Variants in PCDHGA1 observed in about 807,000 individuals in gnomAD.
PCDHGA1 encodes protocadherin gamma subfamily A, 1, also known as protocadherin gamma-A1.
PCDHGA1 carries 32 observed loss-of-function variants against 58.0 expected under a neutral mutation model. The observed-to-expected ratio is 0.55, with a 90% CI of 0.42 to 0.74. The LOEUF (loss-of-function observed/expected upper bound fraction) is 0.74, where lower values mean the gene tolerates loss of function less well. PCDHGA1 is among the 30% of genes least tolerant of loss of function. The pLI, the probability that PCDHGA1 is intolerant of heterozygous loss-of-function variation, is 0.00. For missense variants in PCDHGA1, 1,205 were observed against 1,182.3 expected, an observed-to-expected ratio of 1.02 and a Z score of -0.28; for synonymous variants, 498 against 501.1, an observed-to-expected ratio of 0.99 and a Z score of 0.08.
intron 1 of PCDHGA1, chr5:141,385,371 T>C: frequency 2.6e-6 from 4 of 1,529,296 alleles, no homozygotes; most frequent in Non-Finnish European, 3.5e-6. Context: ...ATTTGCATGA[T>C]ATTTCTCTAT....
chr5:141,413,417 T>A (rs777399697), intron 1 of PCDHGA1: 1 of 1,614,086 alleles, frequency 6.2e-7, no homozygotes, highest in Non-Finnish European at 8.5e-7. Context: ...CTTTTCTCTC[T>A]GAACCCGCGC....
intron 2 of PCDHGA1, among the ~76,000 whole-genome samples, chr5:141,504,909 G>C (rs948719729): frequency 6.6e-6 from 1 of 152,002 alleles, no homozygotes; most frequent in Non-Finnish European, 1.5e-5. Context: ...ACTATGACAG[G>C]AAGCCAGGCT....
At chr5:141,457,820 C>CTCAG (rs2098930320) in intron 1 of PCDHGA1, among the ~76,000 whole-genome samples, 1 of 152,198 alleles carries the variant, frequency 6.6e-6, no homozygotes, top group African/African-American at 2.4e-5. Flanking sequence ...CCAAGATAAA[C>CTCAG]TCAGAGCTTC....
chr5:141,439,118 G>A (rs1293542421), intron 1 of PCDHGA1, among the ~76,000 whole-genome samples: 3 of 151,390 alleles, frequency 2.0e-5, no homozygotes, highest in Non-Finnish European at 4.4e-5. Flanking sequence ...ACTTGAACCC[G>A]GGAGACAGAG....
At chr5:141,410,006 G>T (rs1201569227) in intron 1 of PCDHGA1, 8 of 1,613,274 alleles carry the variant, frequency 5.0e-6, no homozygotes, top group Non-Finnish European at 5.1e-6. Context: ...GGGACACAAC[G>T]CCTGGCTGTC....
At chr5:141,355,221 C>T (rs756437082) in intron 1 of PCDHGA1, 18 of 1,608,638 alleles carry the variant, frequency 1.1e-5, no homozygotes, top group African/African-American at 4.0e-5. Context: ...CTCCTGCTCG[C>T]CCAGACCACA....
At chr5:141,348,983 T>G (rs928297806) in intron 1 of PCDHGA1, among the ~76,000 whole-genome samples, 3 of 152,188 alleles carry the variant, frequency 2.0e-5, no homozygotes, top group Non-Finnish European at 2.9e-5. Context: ...GTCTAAGAAC[T>G]CTGAATACCT....
rs545232987 is a variant in PCDHGA1 at position 141,484,750 on chromosome 5, G to GTA, written c.2422-10043_2422-10042dup. 2.3e-3 allele frequency among the ~76,000 whole-genome samples: 340 copies of GTA among 149,860 alleles called. 1 individual carries two copies. Among genetic ancestry groups the GTA allele is most frequent in the South Asian group, 1.0e-2 (47 of 4,704 alleles). On this transcript the variant is annotated intron_variant, in intron 1 of 3. Coordinates refer to ENST00000517417, the MANE Select transcript of PCDHGA1 (RefSeq NM_018912.3). ...CAGTCGGTGTGTTAGGAAAAAAAAT[G>GTA]TATATATATATATATGTTGTCTGCC...
chr5:141,373,366 A>T (rs1309577062), intron 1 of PCDHGA1, among the ~76,000 whole-genome samples: 1 of 152,214 alleles, frequency 6.6e-6, no homozygotes, highest in Non-Finnish European at 1.5e-5. Context: ...ACTGTAATGA[A>T]TTGGTTCAAA....
intron 1 of PCDHGA1, among the ~76,000 whole-genome samples, chr5:141,336,591 T>C (rs756583482): frequency 6.6e-6 from 1 of 152,136 alleles, no homozygotes; most frequent in Non-Finnish European, 1.5e-5. Flanking sequence ...TTATGCCACA[T>C]ACAAAAATTA....
rs1040028231 is a variant in PCDHGA1, at chr5:141,485,542, C to T, written c.2422-9265C>T. 6.8e-6 allele frequency: 11 copies of T among 1,613,900 alleles called. No individual in the cohort carries two copies. Among genetic ancestry groups the T allele is most frequent in the Admixed American group, 6.7e-5 (4 of 59,996 alleles). On this transcript the variant is annotated intron_variant, in intron 1 of 3. Coordinates refer to ENST00000517417, the MANE Select transcript of PCDHGA1 (RefSeq NM_018912.3). The surrounding 1 kb of genome is among the most constrained non-coding windows in gnomAD (Gnocchi z 5.7). ...AAATGTACCGAGCAGAGGTAGAGAT[C>T]GTAGATGTGAATGATCACGCCCCCC...
rs775426401 is a variant in PCDHGA1 at position 141,350,605 on chromosome 5, C to T, written c.2421+17500C>T. On this transcript the variant is annotated intron_variant, in intron 1 of 3. Coordinates refer to ENST00000517417, the MANE Select transcript of PCDHGA1 (RefSeq NM_018912.3). ...CTGAAAACCCAATGAATGTTTTCCA[C>T]GTGGTTGTTGTAATCCAAGATATTA... is the stretch of plus-strand genomic sequence containing the variant. 6 of 1,613,998 alleles carry T rather than the reference C, an allele frequency of 3.7e-6. 1 individual carries two copies. Among genetic ancestry groups the T allele is most frequent in the African/African-American group, 1.3e-5 (1 of 75,046 alleles).
intron 1 of PCDHGA1, chr5:141,430,960 C>T (rs2097330619): frequency 6.2e-7 from 1 of 1,612,432 alleles, no homozygotes; most frequent in Non-Finnish European, 8.5e-7. Context: ...TCCGCATCAT[C>T]CCCAGAGGTA....
intron 1 of PCDHGA1, chr5:141,388,273 C>G: frequency 6.3e-7 from 1 of 1,597,470 alleles, no homozygotes; most frequent in East Asian, 2.3e-5. Context: ...AATGACCACA[C>G]GCCAAAATTC....
At chr5:141,478,629 T>A in intron 1 of PCDHGA1, 1 of 1,553,688 alleles carries the variant, frequency 6.4e-7, no homozygotes, top group Non-Finnish European at 8.7e-7. Context: ...AGCTGTTTTT[T>A]TAGTGATGAA....
rs775752238 is a variant in PCDHGA1 at position 141,361,764 on chromosome 5, C to T, written c.2421+28659C>T. On this transcript the variant is annotated intron_variant, in intron 1 of 3. Coordinates refer to ENST00000517417, the MANE Select transcript of PCDHGA1 (RefSeq NM_018912.3). ...GCGACCAGGGCTCGCCCGCGCTCAG[C>T]GCCAACGTGAGCCTGCGCGTGTTAG... 9 of 1,613,132 alleles carry T rather than the reference C, an allele frequency of 5.6e-6. No individual in the cohort carries two copies. The Admixed American group carries it at 1.5e-4, about 27-fold the overall frequency.
At chr5:141,427,678 C>T in intron 1 of PCDHGA1, 1 of 822,634 alleles carries the variant, frequency 1.2e-6, no homozygotes, top group Non-Finnish European at 2.0e-6. Flanking sequence ...AACAACCTTC[C>T]CGGAGCCTCC....
intron 2 of PCDHGA1, among the ~76,000 whole-genome samples, chr5:141,501,109 C>T (rs909874167): frequency 2.0e-5 from 3 of 152,106 alleles, no homozygotes; most frequent in South Asian, 2.1e-4. Context: ...CCTCGTGATC[C>T]GCCTGCCTCA....
At chr5:141,415,129 G>C in intron 1 of PCDHGA1, 1 of 1,613,656 alleles carries the variant, frequency 6.2e-7, no homozygotes, top group African/African-American at 1.3e-5. Flanking sequence ...GGCCGTCCAG[G>C]ACCACGGCCA....
Sources: gnomAD v4.1 joint callset for allele counts (sites outside exome capture counted in the v4.1 genomes callset) on GRCh38, gnomAD v4.1.1 for gene constraint, Gnocchi (gnomAD v3.1) non-coding constraint, MANE v1.5 for transcripts, NCBI Gene and HGNC (gene_info 2026-07-23, HGNC 2026-07-21) for gene names.